Variants in LRIG2 observed in about 807,000 individuals in gnomAD.
LRIG2 encodes leucine-rich repeats and immunoglobulin-like domains protein 2.
In LRIG2, 93 loss-of-function variants were observed where a neutral mutation model predicts 107.8. That is an observed-to-expected ratio of 0.86 (90% CI 0.73 to 1.03). LRIG2 has a LOEUF of 1.03. LRIG2 is among the 50% of genes least tolerant of loss of function. The pLI is 0.00. For synonymous variants in LRIG2, 471 were observed against 470.6 expected (o/e 1.00, Z -0.01); for missense variants, 1,226 against 1,296.0 (o/e 0.95, Z 0.83).
In LRIG2 at chr1:113,096,353, A is replaced by G. The variant is rs746603348; in HGVS notation, c.1079A>G (p.Asn360Ser). ...GATGGTGTATTTAGATTTCTTTCCA[A>G]TCTTCAGACATTGTAAGTATATCCA... Reference protein sequence around the residue: ...IADGVFRFLSNLQTLDLRNNE... With the variant: ...IADGVFRFLSSLQTLDLRNNE... The change falls in exon 8 of 18, where the codon AAT becomes AGT. Residue 360 changes from asparagine (N) to serine (S), a missense_variant. By Grantham distance (46) the Asn-to-Ser change is conservative. Coordinates refer to ENST00000361127, the MANE Select transcript of LRIG2 (RefSeq NM_014813.3). 1.2e-5 allele frequency: 20 copies of G among 1,613,142 alleles called. No individual in the cohort carries two copies. Among genetic ancestry groups the G allele is most frequent in the African/African-American group, 4.0e-5 (3 of 74,896 alleles).
In LRIG2 at chr1:113,119,591, T is replaced by C. The variant is rs79841663; in HGVS notation, c.2971+68T>C. ...CTAATTGACTCTTCCTTCTATCATA[T>C]AGGTAGTGCTCTCATTTGACAGGAA... On this transcript the variant is annotated intron_variant, in intron 17 of 17. Transcript: ENST00000361127. The C allele has an allele frequency of 1.4e-3, 2,066 of 1,440,830 alleles. 30 individuals carry two copies. In the African/African-American group the frequency reaches 0.025, roughly 18 times the overall value. 89.3% of individuals were successfully genotyped at this position (1,440,830 alleles called of 1,614,324 possible). A position where few individuals can be genotyped will look rare whatever the true frequency, so the allele number is the denominator to read the frequency against.
intron 1 of LRIG2, 134 bp downstream of exon 1, chr1:113,073,779 A>C: frequency 2.4e-6 from 2 of 820,092 alleles, no homozygotes; most frequent in Non-Finnish European, 3.7e-6. Flanking sequence ...TGCCGTCAGG[A>C]TTTTATGAAC....
At chr1:113,082,858 G>T (rs1052266093) in intron 1 of LRIG2, among the ~76,000 whole-genome samples, 1 of 152,054 alleles carries the variant, frequency 6.6e-6, no homozygotes, top group Non-Finnish European at 1.5e-5. Context: ...GTTTTGCCAT[G>T]TTGGCCAGAC....
In LRIG2 at chr1:113,073,635, A is replaced by G; in HGVS notation, c.229A>G (p.Thr77Ala). The change falls in exon 1 of 18, where the codon ACC (threonine) becomes GCC (alanine). Residue 77 changes from threonine to alanine, a missense_variant. Thr to Ala is a moderately conservative substitution (Grantham distance 58). Around this residue, in one of 3 missense-constraint regions of LRIG2, gnomAD observed 570 missense variants for 550.2 expected, o/e 1.04. Coordinates refer to ENST00000361127, the MANE Select transcript of LRIG2 (RefSeq NM_014813.3). ...RALSGLLPPDTAILDFSHNRL... is the reference protein window; with the variant it reads ...RALSGLLPPDAAILDFSHNRL... The stretch of plus-strand genomic sequence containing the variant: ...GCTGTCGGGCTTGCTGCCCCCCGAC[A>G]CCGCTATCCTGTGAGTAGAGCGGCC... 1 of 1,612,358 alleles carries G rather than the reference A, an allele frequency of 6.2e-7. No homozygotes were observed. Among genetic ancestry groups the G allele is most frequent in the Non-Finnish European group, 8.5e-7 (1 of 1,179,880 alleles).
At chr1:113,120,666 ATGCC>A (rs1655210127) in intron 17 of LRIG2, among the ~76,000 whole-genome samples, 2 of 151,486 alleles carry the variant, frequency 1.3e-5, no homozygotes, top group Non-Finnish European at 1.5e-5. Context: ...ATGTGCCACC[ATGCC>A]CAGCTGATTT....
At position 113,121,887 on chromosome 1, in the gene LRIG2, T is replaced by C. The variant is rs565172683; in HGVS notation, c.2972-1988T>C. 3.3e-5 allele frequency among the ~76,000 whole-genome samples: 5 copies of C among 152,176 alleles called. No individual in the cohort carries two copies. The South Asian group carries it at 8.3e-4, about 25-fold the overall frequency. ...AGATTATGTCCCACAGGTTACAGGA[T>C]CATGCTTTTGATTTTAATTTTAGTA... On this transcript the variant is annotated intron_variant, in intron 17 of 17. Transcript: ENST00000361127.
chr1:113,092,765 C>CAG (rs369093406), intron 2 of LRIG2, among the ~76,000 whole-genome samples: 40 of 152,260 alleles, frequency 2.6e-4, no homozygotes, highest in East Asian at 5.8e-4. Context: ...CCAAGGTGGG[C>CAG]AGATCACCTG....
In LRIG2 at chr1:113,125,492, A is replaced by G. The variant is rs1655453467; in HGVS notation, c.*1391A>G. On this transcript the variant is annotated 3_prime_UTR_variant, in exon 18 of 18. Transcript: ENST00000361127. ...CCTCTTTTTTTTTACTGAAACAGAA[A>G]TTGATTGAGGAAGGTTCAGTCATTC... 1.3e-5 allele frequency: 2 copies of G among 152,048 alleles called. No individual in the cohort carries two copies. The highest frequency in any genetic ancestry group is 2.4e-5 in the African/African-American group (1 of 41,394). The allele number at this position is 152,048 out of a possible 1,614,324, so 9.4% of individuals were successfully genotyped here.
intron 16 of LRIG2, among the ~76,000 whole-genome samples, chr1:113,116,922 C>G (rs1244736307): frequency 6.6e-6 from 1 of 152,136 alleles, no homozygotes; most frequent in Non-Finnish European, 1.5e-5. Context: ...CTGTATTGTG[C>G]TGTGAGTGCA....
intron 11 of LRIG2, chr1:113,103,214 A>G (rs1261116353): frequency 6.6e-6 from 1 of 152,226 alleles, no homozygotes; most frequent in Non-Finnish European, 1.5e-5. Flanking sequence ...TCCTAGGCCT[A>G]GCTGTGTAAA....
intron 1 of LRIG2, among the ~76,000 whole-genome samples, chr1:113,087,367 G>T (rs1274869069): frequency 6.6e-6 from 1 of 151,964 alleles, no homozygotes; most frequent in Non-Finnish European, 1.5e-5. Context: ...AATTTTTTGG[G>T]GGATGGAGTC....
Position 113,094,332 on chromosome 1 carries a change from A to G in LRIG2, c.516-7A>G, listed in dbSNP as rs1227075539. The G allele has an allele frequency of 6.3e-7, 1 of 1,588,454 alleles. No individual in the cohort carries two copies. On this transcript the variant is annotated splice_region_variant and splice_polypyrimidine_tract_variant and intron_variant, in intron 4 of 17. Transcript: ENST00000361127. ...TTTTTCTTTTGCTATTATCTTGTTT[A>G]TTTTAGGAATTTAAGTAATAACAGA...
intron 8 of LRIG2, among the ~76,000 whole-genome samples, chr1:113,097,808 A>G (rs961972115): frequency 6.6e-6 from 1 of 152,122 alleles, no homozygotes; most frequent in African/African-American, 2.4e-5. Context: ...AATGGTTTCT[A>G]TTTATGCTGT....
chr1:113,080,833 A>G (rs2101017431), intron 1 of LRIG2, among the ~76,000 whole-genome samples: 1 of 149,662 alleles, frequency 6.7e-6, no homozygotes, highest in South Asian at 2.1e-4. Flanking sequence ...GGGAACACTA[A>G]AAGTTTTTTT....
intron 16 of LRIG2, among the ~76,000 whole-genome samples, chr1:113,118,508 C>T (rs892583164): frequency 6.6e-6 from 1 of 152,218 alleles, no homozygotes; most frequent in African/African-American, 2.4e-5. Context: ...TTAAGCCAAG[C>T]ATGTGTCTTG....
At chr1:113,077,383 C>T (rs1242949194) in intron 1 of LRIG2, among the ~76,000 whole-genome samples, 1 of 152,156 alleles carries the variant, frequency 6.6e-6, no homozygotes, top group African/African-American at 2.4e-5. Context: ...CTCAGGTGAT[C>T]CGCCCACCTT....
intron 1 of LRIG2, among the ~76,000 whole-genome samples, chr1:113,081,014 T>G (rs1653256390): frequency 6.6e-6 from 1 of 151,986 alleles, no homozygotes; most frequent in Non-Finnish European, 1.5e-5. Flanking sequence ...GGCTAATTTT[T>G]GTATTTTTAC....
At chr1:113,078,765 C>T (rs191504569) in intron 1 of LRIG2, among the ~76,000 whole-genome samples, 89 of 151,848 alleles carry the variant, frequency 5.9e-4, no homozygotes, top group African/African-American at 2.0e-3. Flanking sequence ...CTCAGCCTCC[C>T]GAGTAGCTGG....
At chr1:113,087,299 C>G (rs557925696) in intron 1 of LRIG2, among the ~76,000 whole-genome samples, 1 of 152,178 alleles carries the variant, frequency 6.6e-6, no homozygotes, top group Non-Finnish European at 1.5e-5. Context: ...ATCCATATTC[C>G]AAGAGTTTTA....
Sources: gnomAD v4.1 joint callset for allele counts (sites outside exome capture counted in the v4.1 genomes callset) on GRCh38, gnomAD v4.1.1 for gene constraint, gnomAD v4.1.1 regional missense constraint, MANE v1.5 for transcripts, NCBI Gene and HGNC (gene_info 2026-07-23, HGNC 2026-07-21) for gene names.